GSTCD: variants seen among roughly 807,000 people sequenced by gnomAD.
The protein encoded by GSTCD is glutathione S-transferase C-terminal domain-containing protein.
Under a neutral mutation model 68.3 loss-of-function variants are expected in GSTCD, and 44 were observed. The ratio of observed to expected loss-of-function variants is 0.64; its 90% CI spans 0.51 to 0.83. The LOEUF is 0.83. Ranked by LOEUF, GSTCD falls within the 40% of genes least tolerant of loss-of-function variation. The probability of loss-of-function intolerance (pLI) is 0.00; values close to 1 mark genes in which losing one functional copy is unlikely to be tolerated. For synonymous variants in GSTCD, 273 were observed against 255.2 expected (o/e 1.07, Z -0.67); for missense variants, 739 against 735.9 (o/e 1.00, Z -0.05).
At position 105,834,581 on chromosome 4, in the gene GSTCD, A is replaced by C. The variant is rs753436701; in HGVS notation, c.1651A>C (p.Asn551His). ...YGFIQNTSKF[N>H]FPKSEQFKKT... The stretch of plus-strand genomic sequence containing the variant: ...TTTCATTCAGAACACCTCAAAGTTC[A>C]ATTTTCCAAAAAGGTGAGAAATTCA... Residue 551 changes from asparagine to histidine, a missense_variant, in exon 9 of 12, where the codon AAT (asparagine) becomes CAT (histidine). Physicochemically the swap from Asn to His is moderately conservative, Grantham distance 68. Transcript: ENST00000515279. 5 of 1,613,900 alleles carry C rather than the reference A, an allele frequency of 3.1e-6. No individual in the cohort carries two copies. The South Asian group carries it at 5.5e-5, about 18-fold the overall frequency.
At chr4:105,771,278 C>A (rs1261645762) in intron 5 of GSTCD, among the ~76,000 whole-genome samples, 1 of 151,954 alleles carries the variant, frequency 6.6e-6, no homozygotes, top group African/African-American at 2.4e-5. Flanking sequence ...AGCCCTTTAA[C>A]AGATGGATAA....
At chr4:105,794,938 G>A (rs1195142929) in intron 5 of GSTCD, among the ~76,000 whole-genome samples, 1 of 151,242 alleles carries the variant, frequency 6.6e-6, no homozygotes, top group East Asian at 1.9e-4. Context: ...GTGCAGTGGC[G>A]GGCTCAGCTC....
intron 5 of GSTCD, among the ~76,000 whole-genome samples, chr4:105,797,514 T>TAA (rs371893556): frequency 6.7e-6 from 1 of 149,048 alleles, no homozygotes; most frequent in African/African-American, 2.5e-5. Context: ...ACTTTATTGC[T>TAA]AAAAAAAAAA....
chr4:105,841,982 G>C, intron 10 of GSTCD, 83 bp from the exon 11 acceptor site: 1 of 935,890 alleles, frequency 1.1e-6, no homozygotes, highest in Non-Finnish European at 1.7e-6. Flanking sequence ...CCAGAAAAAT[G>C]AGGTAGTTTT....
Position 105,717,655 on chromosome 4 carries a change from G to A in GSTCD, c.42G>A (p.Leu14=). ...IKKSLTEEEY[L]YLDFSHQTEG... is the part of the protein sequence containing the mutation. ...AAAGTCTTACAGAAGAAGAATACCT[G>A]TACCTGGACTTTTCTCACCAAACAG... The change falls in exon 2 of 12, where the codon CTG becomes CTA. Residue 14 remains leucine, a synonymous_variant. Coordinates refer to ENST00000515279, the MANE Select transcript of GSTCD (RefSeq NM_001370181.1). The A allele has an allele frequency of 3.1e-6, 5 of 1,603,854 alleles. No homozygotes were observed. Among genetic ancestry groups the A allele is most frequent in the Non-Finnish European group, 4.3e-6 (5 of 1,176,408 alleles).
intron 9 of GSTCD, among the ~76,000 whole-genome samples, chr4:105,837,332 C>T (rs766486012): frequency 9.2e-5 from 14 of 152,268 alleles, no homozygotes; most frequent in African/African-American, 2.4e-4. Flanking sequence ...CAAGTAGGAA[C>T]GGCCCTATGC....
At chr4:105,732,732 G>A (rs1733296728) in intron 5 of GSTCD, among the ~76,000 whole-genome samples, 1 of 152,060 alleles carries the variant, frequency 6.6e-6, no homozygotes, top group Non-Finnish European at 1.5e-5. Context: ...CCTTCTGCTA[G>A]CTTTTGAATG....
rs556879918 is a variant in GSTCD at position 105,835,269 on chromosome 4, G to C, written c.1664+675G>C. Among the ~76,000 whole-genome samples, 302 of 152,272 alleles carry C rather than the reference G, an allele frequency of 2.0e-3. 3 individuals carry two copies. Among genetic ancestry groups the C allele is most frequent in the African/African-American group, 7.1e-3 (297 of 41,564 alleles). ...CCATTGGGCTCACTCCACTCACTCAGCCTGGCAGGCTGCTTTTGGCTTGCA... is the reference window on the plus strand; with the variant it reads ...CCATTGGGCTCACTCCACTCACTCACCCTGGCAGGCTGCTTTTGGCTTGCA... On this transcript the variant is annotated intron_variant, in intron 9 of 11. Coordinates refer to ENST00000515279, the MANE Select transcript of GSTCD (RefSeq NM_001370181.1).
intron 5 of GSTCD, among the ~76,000 whole-genome samples, chr4:105,743,542 G>T (rs1733704470): frequency 1.3e-5 from 2 of 151,328 alleles, no homozygotes; most frequent in South Asian, 4.2e-4. Context: ...AGAGAACTGA[G>T]GATTTAATGT....
intron 10 of GSTCD, among the ~76,000 whole-genome samples, chr4:105,839,115 C>T (rs1724233487): frequency 6.6e-6 from 1 of 152,156 alleles, no homozygotes; most frequent in Non-Finnish European, 1.5e-5. Flanking sequence ...CAACCCCGCA[C>T]CCTGTACAAA....
intron 1 of GSTCD, among the ~76,000 whole-genome samples, chr4:105,712,107 C>T (rs968309548): frequency 6.6e-6 from 1 of 152,168 alleles, no homozygotes; most frequent in African/African-American, 2.4e-5. Context: ...TGATTTCTGA[C>T]ATTCATATAT....
At chr4:105,767,665 C>G (rs1389817437) in intron 5 of GSTCD, among the ~76,000 whole-genome samples, 1 of 152,060 alleles carries the variant, frequency 6.6e-6, no homozygotes, top group Non-Finnish European at 1.5e-5. Context: ...AACATGGACT[C>G]TCATATTGAA....
At chr4:105,788,479 A>G (rs1735546058) in intron 5 of GSTCD, among the ~76,000 whole-genome samples, 1 of 152,036 alleles carries the variant, frequency 6.6e-6, no homozygotes, top group South Asian at 2.1e-4. Context: ...GATTTGTGCC[A>G]CTTTGTTTCC....
chr4:105,792,158 A>G (rs1735701356), intron 5 of GSTCD, among the ~76,000 whole-genome samples: 1 of 152,046 alleles, frequency 6.6e-6, no homozygotes, highest in Non-Finnish European at 1.5e-5. Flanking sequence ...ACTACTAAAA[A>G]TCCAACTTTG....
chr4:105,710,709 A>G (rs374662805), intron 1 of GSTCD: 6 of 152,196 alleles, frequency 3.9e-5, no homozygotes, highest in African/African-American at 1.4e-4. Flanking sequence ...GTGAAAATTC[A>G]GTAATTTTAT....
At chr4:105,768,350 A>G (rs1734704855) in intron 5 of GSTCD, among the ~76,000 whole-genome samples, 1 of 152,034 alleles carries the variant, frequency 6.6e-6, no homozygotes, top group Non-Finnish European at 1.5e-5. Flanking sequence ...ATATTCTTAA[A>G]TCTGTGCCTA....
At chr4:105,801,646 A>G (rs931048720) in intron 5 of GSTCD, among the ~76,000 whole-genome samples, 2 of 152,022 alleles carry the variant, frequency 1.3e-5, no homozygotes, top group African/African-American at 2.4e-5. Context: ...TGTTTGATTC[A>G]TTCTTCTGCT....
intron 5 of GSTCD, among the ~76,000 whole-genome samples, chr4:105,796,153 G>A (rs369383958): frequency 6.6e-6 from 1 of 152,296 alleles, no homozygotes; most frequent in South Asian, 2.1e-4. Flanking sequence ...CAATAATGAC[G>A]AAAGACAAGG....
At chr4:105,835,878 A>G (rs1724095467) in intron 9 of GSTCD, among the ~76,000 whole-genome samples, 1 of 152,094 alleles carries the variant, frequency 6.6e-6, no homozygotes, top group South Asian at 2.1e-4. Context: ...CTCTCCACAG[A>G]CAGTCATCCC....
Sources: gnomAD v4.1 joint callset for allele counts (sites outside exome capture counted in the v4.1 genomes callset) on GRCh38, gnomAD v4.1.1 for gene constraint, MANE v1.5 for transcripts, NCBI Gene and HGNC (gene_info 2026-07-23, HGNC 2026-07-21) for gene names.